Variants in STRIP1 observed in about 807,000 individuals in gnomAD.
The protein encoded by STRIP1 is striatin interacting protein 1.
Under a neutral mutation model 106.2 loss-of-function variants are expected in STRIP1, and 63 were observed. The ratio of observed to expected loss-of-function variants is 0.59; its 90% CI spans 0.48 to 0.73. The LOEUF (loss-of-function observed/expected upper bound fraction) is 0.73, where lower values mean the gene tolerates loss of function less well. Among genes scored for constraint, STRIP1 ranks in the 30% least tolerant of loss-of-function variants. STRIP1 has a pLI of 0.00. For missense variants in STRIP1, 857 were observed against 1,074.8 expected (o/e 0.80, Z 2.83); for synonymous variants, 390 against 413.0 (o/e 0.94, Z 0.67).
intron 17 of STRIP1, 44 bp downstream of exon 17, chr1:110,049,604 G>A (rs775786245): frequency 2.2e-6 from 3 of 1,387,650 alleles, no homozygotes; most frequent in Admixed American, 1.8e-5. Flanking sequence ...ATGGTCAGAC[G>A]GCAGAGTTCC....
chr1:110,048,653 C>T (rs901481925), intron 15 of STRIP1, among the ~76,000 whole-genome samples: 1 of 152,204 alleles, frequency 6.6e-6, no homozygotes, highest in Non-Finnish European at 1.5e-5. Context: ...AGGAGGAATT[C>T]CTCTTACAAA....
At chr1:110,042,958 T>G (rs750352432) in intron 8 of STRIP1, 130 bp from the exon 9 acceptor site, 18 of 838,866 alleles carry the variant, frequency 2.1e-5, no homozygotes, top group Non-Finnish European at 3.3e-5. Context: ...AGTCCATTGT[T>G]CAGGAGTTGC....
In STRIP1 at chr1:110,050,335, C is replaced by T. The variant is rs1484376848; in HGVS notation, c.1890-8C>T. ...ATGGTGGGCATCTGGTTCCTCTCCC[C>T]TCTGCAGCATTTCTGTCCTGGATTA... On this transcript the variant is annotated splice_polypyrimidine_tract_variant and splice_region_variant and intron_variant, in intron 17 of 20. Transcript: ENST00000369795. 9.9e-6 allele frequency: 16 copies of T among 1,614,094 alleles called. No individual in the cohort carries two copies. Among genetic ancestry groups the T allele is most frequent in the Non-Finnish European group, 1.4e-5 (16 of 1,179,948 alleles).
chr1:110,051,115 C>T, intron 19 of STRIP1, 55 bp downstream of exon 19: 1 of 1,224,076 alleles, frequency 8.2e-7, no homozygotes, highest in Non-Finnish European at 1.2e-6. Context: ...AAGAAGAGTG[C>T]TGGGAGCAGG....
At chr1:110,033,214 G>A (rs979806458), upstream of STRIP1, among the ~76,000 whole-genome samples, 3 of 152,058 alleles carry the variant, frequency 2.0e-5, no homozygotes, top group South Asian at 2.1e-4. Context: ...CACATTCTCC[G>A]CCTCCACCAA....
chr1:110,042,909 C>G (rs1652831946), intron 8 of STRIP1, 179 bp from the exon 9 acceptor site: 1 of 591,536 alleles, frequency 1.7e-6, no homozygotes, highest in East Asian at 2.8e-5. Context: ...TTCTCCTTTC[C>G]CTTGCGGATG....
Position 110,051,017 on chromosome 1 carries a change from G to A in STRIP1, c.2018G>A (p.Arg673Gln). The A allele has an allele frequency of 3.1e-6, 5 of 1,613,856 alleles. No homozygotes were observed. The highest frequency in any genetic ancestry group is 2.2e-5 in the East Asian group (1 of 44,872). Reference protein sequence around the residue: ...RNLFSCINLLRILNKLTKWKH... With the variant: ...RNLFSCINLLQILNKLTKWKH... ...CTCTTTTCTTGTATCAATCTGCTTC[G>A]GATCTTGAACAAGCTGACAAAGTGG... The change falls in exon 19 of 21, where the codon CGG becomes CAG. Residue 673 changes from arginine (R) to glutamine (Q), a missense_variant. Arg to Gln is a conservative substitution (Grantham distance 43, BLOSUM62 1). This residue lies in a region of STRIP1 where 750 missense variants were observed against 989.8 expected (regional missense o/e 0.76). Transcript: ENST00000369795.
chr1:110,034,722 G>T lies in STRIP1; in HGVS notation c.85G>T (p.Ala29Ser), dbSNP rs1003971327. The T allele has an allele frequency of 9.3e-6, 14 of 1,506,004 alleles. No homozygotes were observed. In the African/African-American group the frequency reaches 2.0e-4, roughly 22 times the overall value. The allele number at this position is 1,506,004 out of a possible 1,614,324, so 93.3% of individuals were successfully genotyped here. Residue 29 changes from alanine to serine, a missense_variant, in exon 1 of 21, where the codon GCA becomes TCA. Physicochemically the swap from Ala to Ser is moderately conservative, Grantham distance 99. Coordinates refer to ENST00000369795, the MANE Select transcript of STRIP1 (RefSeq NM_033088.4). ...QPPPPPPPAAAQPPPGAPRAA... is the reference protein window; with the variant it reads ...QPPPPPPPAASQPPPGAPRAA... The stretch of plus-strand genomic sequence containing the variant: ...CCCGCCACCTCCGCCGCCGGCAGCC[G>T]CACAGCCACCACCCGGGGCACCGCG...
chr1:110,046,008 GT>G (rs1284870771), intron 12 of STRIP1, among the ~76,000 whole-genome samples: 6 of 152,176 alleles, frequency 3.9e-5, no homozygotes, highest in Non-Finnish European at 8.8e-5. Context: ...CTGTTTTTAT[GT>G]TTTTGAAATA....
At chr1:110,044,962 A>T in intron 11 of STRIP1, 53 bp from the exon 12 acceptor site, 2 of 1,613,496 alleles carry the variant, frequency 1.2e-6, no homozygotes, top group South Asian at 1.1e-5. Context: ...GGTGTTTGGG[A>T]TCCCAGGTGA....
chr1:110,051,590 G>T, intron 19 of STRIP1, 93 bp from the exon 20 acceptor site: 1 of 1,283,664 alleles, frequency 7.8e-7, no homozygotes. Context: ...CACCCTGACA[G>T]TAACTTCCAA....
At chr1:110,035,499 C>T (rs1488530632) in intron 1 of STRIP1, among the ~76,000 whole-genome samples, 3 of 152,118 alleles carry the variant, frequency 2.0e-5, no homozygotes, top group Non-Finnish European at 2.9e-5. Context: ...ACCCAACATT[C>T]CTTCCTGTCT....
upstream of STRIP1, among the ~76,000 whole-genome samples, chr1:110,032,063 A>G (rs1244796128): frequency 6.6e-6 from 1 of 151,924 alleles, no homozygotes; most frequent in Admixed American, 6.6e-5. Flanking sequence ...CTTATTGGCT[A>G]TTTTTCAAAT....
intron 9 of STRIP1, 142 bp from the exon 10 acceptor site, chr1:110,043,497 G>A (rs566494233): frequency 1.1e-6 from 1 of 874,750 alleles, no homozygotes; most frequent in East Asian, 2.6e-5. Flanking sequence ...TGATGGTTTG[G>A]CCCCCGTCTT....
rs1199872824 is a variant in STRIP1, at chr1:110,050,890, G to A, written c.1957-66G>A. On this transcript the variant is annotated intron_variant, in intron 18 of 20. Coordinates refer to ENST00000369795, the MANE Select transcript of STRIP1 (RefSeq NM_033088.4). ...GGCTGTCCTGAGATCATGTGTGAGG[G>A]ACTTTTGGAAACTGCTGCACACACT... 3.4e-5 allele frequency: 31 copies of A among 922,138 alleles called. No homozygotes were observed. The East Asian group carries it at 7.4e-4, about 22-fold the overall frequency. The allele number at this position is 922,138 out of a possible 1,614,324, so 57.1% of individuals were successfully genotyped here. A position where few individuals can be genotyped will look rare whatever the true frequency, so the allele number is the denominator to read the frequency against.
In STRIP1 at chr1:110,034,780, C is replaced by G. The variant is rs1444119904; in HGVS notation, c.143C>G (p.Ala48Gly). The G allele has an allele frequency of 2.1e-6, 3 of 1,429,570 alleles. No homozygotes were observed. The highest frequency in any genetic ancestry group is 2.7e-6 in the Non-Finnish European group (3 of 1,097,836). 88.6% of individuals were successfully genotyped at this position (1,429,570 alleles called of 1,614,324 possible). ...AAAGLLPGGK[A>G]REFNRNQRKD... ...GCGGGCCTCCTGCCTGGGGGCAAAG[C>G]CCGCGAGTTCAACCGCAACCAGCGC... Residue 48 changes from alanine to glycine, a missense_variant, in exon 1 of 21, where the codon GCC becomes GGC. Transcript: ENST00000369795.
Position 110,049,235 on chromosome 1 carries a change from C to T in STRIP1, c.1785C>T (p.Tyr595=), listed in dbSNP as rs768345730. The T allele has an allele frequency of 1.2e-6, 2 of 1,614,146 alleles. No individual in the cohort carries two copies. The highest frequency in any genetic ancestry group is 2.2e-5 in the South Asian group (2 of 91,084). The change falls in exon 16 of 21, where the codon TAC becomes TAT. Residue 595 remains tyrosine (Y), a synonymous_variant. Transcript: ENST00000369795. ...AGCACTTTAAGTTGAACCATGTCTA[C>T]CAGGTACCCACAGGGCTTTCCCTCC... ...LLKHFKLNHV[Y]QFEYMAQHLV... is the part of the protein sequence containing the mutation.
chr1:110,050,272 C>G, intron 17 of STRIP1, 71 bp from the exon 18 acceptor site: 1 of 1,494,104 alleles, frequency 6.7e-7, no homozygotes, highest in Non-Finnish European at 9.3e-7. Context: ...GGAGCTGGCT[C>G]AGGCACGGCT....
At chr1:110,048,069 T>C (rs1389406142) in intron 15 of STRIP1, 200 bp downstream of exon 15, 2 of 568,498 alleles carry the variant, frequency 3.5e-6, no homozygotes, top group Non-Finnish European at 6.3e-6. Flanking sequence ...GCCTGGATTC[T>C]AGTGTAGACT....
Sources: allele counts gnomAD v4.1 joint callset (sites outside exome capture counted in the v4.1 genomes callset), GRCh38; gene constraint gnomAD v4.1.1; regional missense constraint gnomAD v4.1.1; transcripts MANE v1.5; gene names NCBI Gene and HGNC (gene_info 2026-07-23, HGNC 2026-07-21).